OPCML: variants seen among roughly 807,000 people sequenced by gnomAD.
OPCML encodes the protein opioid-binding protein/cell adhesion molecule.
Under a neutral mutation model 37.8 loss-of-function variants are expected in OPCML, and 13 were observed. The ratio of observed to expected loss-of-function variants is 0.34; its 90% CI spans 0.22 to 0.55. The LOEUF is 0.55. OPCML is among the 20% of genes least tolerant of loss of function. The pLI is 0.91. For synonymous variants in OPCML, 176 were observed against 168.8 expected (o/e 1.04, Z -0.33); for missense variants, 341 against 435.6 (o/e 0.78, Z 1.93).
intron 4 of OPCML, among the ~76,000 whole-genome samples, chr11:132,444,531 C>T (rs143646714): frequency 4.6e-5 from 7 of 152,320 alleles, no homozygotes; most frequent in Non-Finnish European, 8.8e-5. Flanking sequence ...GTTGCAAGCA[C>T]CCTGAGTAGA....
chr11:132,808,176 C>T (rs1459248361), intron 2 of OPCML, among the ~76,000 whole-genome samples: 1 of 152,184 alleles, frequency 6.6e-6, no homozygotes, highest in African/African-American at 2.4e-5. Context: ...TAATAAGGTT[C>T]ACAGCTTAGA....
chr11:133,048,646 G>T (rs1265773004), intron 1 of OPCML, among the ~76,000 whole-genome samples: 3 of 151,916 alleles, frequency 2.0e-5, no homozygotes, highest in Non-Finnish European at 4.4e-5. Flanking sequence ...TTTTTCTATG[G>T]GTTCATGGTT....
At chr11:132,774,331 A>G (rs766168065) in intron 2 of OPCML, among the ~76,000 whole-genome samples, 1 of 152,240 alleles carries the variant, frequency 6.6e-6, no homozygotes, top group Non-Finnish European at 1.5e-5. Flanking sequence ...GCATTAAATC[A>G]TATTCTAATG....
At chr11:132,598,405 G>T (rs2096495891) in intron 3 of OPCML, among the ~76,000 whole-genome samples, 1 of 152,162 alleles carries the variant, frequency 6.6e-6, no homozygotes. Flanking sequence ...AGGCATGGGA[G>T]ACACGCAGAT....
At chr11:133,483,300 T>TGACAGATAGGCAGATA (rs1947418318) in intron 1 of OPCML, among the ~76,000 whole-genome samples, 1 of 98,748 alleles carries the variant, frequency 1.0e-5, no homozygotes, top group African/African-American at 6.3e-5. Context: ...GCACTAGAGC[T>TGACAGATAGGCAGATA]GATAGATAGG....
chr11:132,515,611 C>T (rs151276423), intron 4 of OPCML, among the ~76,000 whole-genome samples: 10 of 152,288 alleles, frequency 6.6e-5, no homozygotes, highest in African/African-American at 2.4e-4. Flanking sequence ...AAGGCTGGAA[C>T]ATTTGTGAGA....
intron 1 of OPCML, among the ~76,000 whole-genome samples, chr11:133,147,851 G>A (rs1949919533): frequency 6.6e-6 from 1 of 152,166 alleles, no homozygotes. Flanking sequence ...CATAACCTCT[G>A]TTACTTCATC....
chr11:133,474,283 T>C (rs1333027520), intron 1 of OPCML, among the ~76,000 whole-genome samples: 2 of 152,194 alleles, frequency 1.3e-5, no homozygotes, highest in African/African-American at 2.4e-5. Flanking sequence ...AGAGCCCAGA[T>C]AGGAAAGTAG....
intron 3 of OPCML, among the ~76,000 whole-genome samples, chr11:132,609,341 C>A (rs1248411658): frequency 6.6e-6 from 1 of 152,194 alleles, no homozygotes; most frequent in Non-Finnish European, 1.5e-5. Context: ...AATGTGAATA[C>A]TTGACCTCAC....
intron 2 of OPCML, among the ~76,000 whole-genome samples, chr11:132,824,925 C>T (rs1940209407): frequency 6.6e-6 from 1 of 152,090 alleles, no homozygotes; most frequent in South Asian, 2.1e-4. Context: ...TGGAAGGCCT[C>T]CCAGGTAGGT....
intron 1 of OPCML, among the ~76,000 whole-genome samples, chr11:133,256,153 C>T (rs1325084567): frequency 1.3e-5 from 2 of 152,156 alleles, no homozygotes; most frequent in African/African-American, 4.8e-5. Context: ...GGAACTCGAG[C>T]ATTGTAAGTA....
chr11:132,921,521 A>T (rs1187799022), intron 2 of OPCML, among the ~76,000 whole-genome samples: 1 of 152,208 alleles, frequency 6.6e-6, no homozygotes, highest in African/African-American at 2.4e-5. Context: ...TTTCTCACTA[A>T]TAACTTGCTG....
In OPCML at chr11:132,987,129, C is replaced by T. The variant is rs376728316; in HGVS notation, c.62-44119G>A. On this transcript the variant is annotated intron_variant, in intron 1 of 7. Coordinates refer to ENST00000524381, the MANE Select transcript of OPCML (RefSeq NM_001012393.5). ...CTGACAACTAATGTGCTAGGTGCCCCAATCCCTGTCCTCTAGAAACTGTCT... is the reference window on the plus strand; with the variant it reads ...CTGACAACTAATGTGCTAGGTGCCCTAATCCCTGTCCTCTAGAAACTGTCT... Among the ~76,000 whole-genome samples, 11 of 152,270 alleles carry T rather than the reference C, an allele frequency of 7.2e-5. No homozygotes were observed. In the East Asian group the frequency reaches 1.5e-3, roughly 21 times the overall value.
intron 2 of OPCML, among the ~76,000 whole-genome samples, chr11:132,725,956 A>C (rs1054068144): frequency 2.6e-5 from 4 of 152,114 alleles, no homozygotes; most frequent in Non-Finnish European, 5.9e-5. Context: ...TCCATCTGAG[A>C]CCACCTCAGC....
At position 133,020,648 on chromosome 11, in the gene OPCML, G is replaced by A. The variant is rs146983234; in HGVS notation, c.62-77638C>T. Reference sequence around the variant, plus strand: ...TAGAGAAAAAGTGAGTAAAGAGGGGGGATTTTCAAGATGGATCAAAATAAG... The same window carrying A: ...TAGAGAAAAAGTGAGTAAAGAGGGGAGATTTTCAAGATGGATCAAAATAAG... On this transcript the variant is annotated intron_variant, in intron 1 of 7. Transcript: ENST00000524381. Among the ~76,000 whole-genome samples the A allele has an allele frequency of 3.5e-4, 53 of 152,114 alleles. No homozygotes were observed. In the East Asian group the frequency reaches 9.3e-3, roughly 27 times the overall value.
intron 1 of OPCML, among the ~76,000 whole-genome samples, chr11:133,160,198 A>T (rs1475086553): frequency 6.6e-6 from 1 of 152,258 alleles, no homozygotes; most frequent in Non-Finnish European, 1.5e-5. Context: ...CTCTCAATTT[A>T]TGAAAAACAG....
At chr11:132,762,137 G>A (rs1408661937) in intron 2 of OPCML, among the ~76,000 whole-genome samples, 1 of 152,220 alleles carries the variant, frequency 6.6e-6, no homozygotes, top group Admixed American at 6.5e-5. Context: ...ATCATCAGCG[G>A]GAGCTGCAGA....
At chr11:133,005,237 T>C (rs1026804134) in intron 1 of OPCML, 280 of 985,454 alleles carry the variant, frequency 2.8e-4, no homozygotes, top group Middle Eastern at 5.2e-4. Flanking sequence ...GAGACGATTT[T>C]AAAAGATTGA....
At chr11:133,470,679 G>A (rs1003057913) in intron 1 of OPCML, among the ~76,000 whole-genome samples, 1 of 152,214 alleles carries the variant, frequency 6.6e-6, no homozygotes, top group Non-Finnish European at 1.5e-5. Flanking sequence ...CACAAGAGCT[G>A]ATCTTTCTAT....
Sources: gnomAD v4.1 joint callset for allele counts (sites outside exome capture counted in the v4.1 genomes callset) on GRCh38, gnomAD v4.1.1 for gene constraint, MANE v1.5 for transcripts, NCBI Gene and HGNC (gene_info 2026-07-23, HGNC 2026-07-21) for gene names.